The following LRP1 variants were observed in gnomAD, a reference collection of about 807,000 sequenced individuals.
LRP1 encodes prolow-density lipoprotein receptor-related protein 1.
Under a neutral mutation model 541.5 loss-of-function variants are expected in LRP1, and 51 were observed. The observed-to-expected ratio is 0.09, with a 90% CI of 0.08 to 0.12. The LOEUF is 0.12. LRP1 is among the 10% of genes least tolerant of loss of function. LRP1 has a pLI of 1.00. For synonymous variants in LRP1, 2,219 were observed against 2,470.8 expected, an observed-to-expected ratio of 0.90 and a Z score of 3.02; for missense variants, 3,878 against 6,376.2, an observed-to-expected ratio of 0.61 and a Z score of 13.34.
At position 57,161,039 on chromosome 12, in the gene LRP1, C is replaced by G; in HGVS notation, c.2126C>G (p.Pro709Arg). Residue 709 changes from proline (P) to arginine (R), a missense_variant, in exon 13 of 89, where the codon CCG (proline) becomes CGG (arginine). Around this residue, in one of 13 missense-constraint regions of LRP1, gnomAD observed 496 missense variants for 861.0 expected, o/e 0.58. Coordinates refer to ENST00000243077, the MANE Select transcript of LRP1 (RefSeq NM_002332.3). ...CCCAATGGGCTAAGCCTGGACATCC[C>G]GGCTGGGCGCCTCTACTGGGTGGAT... ...LWPNGLSLDI[P>R]AGRLYWVDAF... 1 of 1,613,948 alleles carries G rather than the reference C, an allele frequency of 6.2e-7. No individual in the cohort carries two copies. The highest frequency in any genetic ancestry group is 1.3e-5 in the African/African-American group (1 of 75,036).
chr12:57,200,437 T>G lies in LRP1; in HGVS notation c.10015-5T>G. 1.9e-6 allele frequency: 2 copies of G among 1,066,478 alleles called. No individual in the cohort carries two copies. The highest frequency in any genetic ancestry group is 2.5e-6 in the Non-Finnish European group (2 of 786,878). The allele number at this position is 1,066,478 out of a possible 1,614,324, so 66.1% of individuals were successfully genotyped here. On this transcript the variant is annotated splice_region_variant and splice_polypyrimidine_tract_variant and intron_variant, in intron 62 of 88. Coordinates refer to ENST00000243077, the MANE Select transcript of LRP1 (RefSeq NM_002332.3). ...CAACCCCTCTTGCCCCCACCTGCCC[T>G]CCAGTTTGTATGCAAGAACGACAAG...
chr12:57,156,865 G>C lies in LRP1; in HGVS notation c.1506G>C (p.Arg502=), dbSNP rs1449186081. 2 of 1,597,552 alleles carry C rather than the reference G, an allele frequency of 1.3e-6. No homozygotes were observed. Among genetic ancestry groups the C allele is most frequent in the East Asian group, 4.5e-5 (2 of 44,636 alleles). ...ICLLANSHKA[R]TCRCRSGFSL... ...TGCTGGCCAACAGCCACAAGGCGCG[G>C]ACCTGCCGCTGCCGTTCCGGCTTCA... The change falls in exon 10 of 89, where the codon CGG becomes CGC. Residue 502 remains arginine, a synonymous_variant. Coordinates refer to ENST00000243077, the MANE Select transcript of LRP1 (RefSeq NM_002332.3). This position sits in a 1 kb window ranked among gnomAD's most constrained non-coding sequence, Gnocchi z 5.2.
chr12:57,160,306 C>G (rs907988183), intron 12 of LRP1, among the ~76,000 whole-genome samples: 1 of 152,180 alleles, frequency 6.6e-6, no homozygotes, highest in Non-Finnish European at 1.5e-5. Flanking sequence ...CTGCCTGGCC[C>G]TTGTCTGACC....
At position 57,200,009 on chromosome 12, in the gene LRP1, A is replaced by G; in HGVS notation, c.9998A>G (p.Asn3333Ser). 1 of 1,594,226 alleles carries G rather than the reference A, an allele frequency of 6.3e-7. No individual in the cohort carries two copies. Among genetic ancestry groups the G allele is most frequent in the Non-Finnish European group, 8.5e-7 (1 of 1,174,126 alleles). Residue 3333 changes from asparagine to serine, a missense_variant, in exon 62 of 89, where the codon AAC (asparagine) becomes AGC (serine). By Grantham distance (46) the Asn-to-Ser change is conservative (BLOSUM62 1). Coordinates refer to ENST00000243077, the MANE Select transcript of LRP1 (RefSeq NM_002332.3). Reference protein sequence around the residue: ...LGSDGRTCVSNCTASQFVCKN... With the variant: ...LGSDGRTCVSSCTASQFVCKN... ...AGCGATGGGCGCACCTGTGTGTCCA[A>G]CTGCACGGCTAGCCAGGTGAGGCTG...
chr12:57,128,855 GA>G lies in LRP1; in HGVS notation c.-108del. The G allele has an allele frequency of 1.1e-6, 1 of 918,386 alleles. No individual in the cohort carries two copies. The highest frequency in any genetic ancestry group is 1.7e-6 in the Non-Finnish European group (1 of 603,900). 56.9% of individuals were successfully genotyped at this position (918,386 alleles called of 1,614,324 possible). On this transcript the variant is annotated 5_prime_UTR_variant, in exon 1 of 89. Transcript: ENST00000243077. ...TGCCGAAGGAAAGAATAAGAACAGA[GA>G]AGGAGGAGGGGGAAAGGAGGAAAAG...
Position 57,177,401 on chromosome 12 carries a change from C to T in LRP1, c.4197-26C>T, listed in dbSNP as rs746016995. 4 of 1,569,450 alleles carry T rather than the reference C, an allele frequency of 2.5e-6. No homozygotes were observed. Among genetic ancestry groups the T allele is most frequent in the South Asian group, 1.2e-5 (1 of 82,920 alleles). On this transcript the variant is annotated intron_variant, in intron 25 of 88. Coordinates refer to ENST00000243077, the MANE Select transcript of LRP1 (RefSeq NM_002332.3). The surrounding 1 kb of genome is among the most constrained non-coding windows in gnomAD (Gnocchi z 6.8). Reference sequence around the variant, plus strand: ...GCTCCCTGAGGGCCCTGACTTTAGCCCTCCTGACCCCTCCCCACTCCCCAG... The same window carrying T: ...GCTCCCTGAGGGCCCTGACTTTAGCTCTCCTGACCCCTCCCCACTCCCCAG...
Position 57,198,149 on chromosome 12 carries a change from C to A in LRP1, c.9283-7C>A, listed in dbSNP as rs2036575011. 1 of 1,593,904 alleles carries A rather than the reference C, an allele frequency of 6.3e-7. No homozygotes were observed. Among genetic ancestry groups the A allele is most frequent in the African/African-American group, 1.3e-5 (1 of 74,556 alleles). On this transcript the variant is annotated splice_polypyrimidine_tract_variant and splice_region_variant and intron_variant, in intron 58 of 88. Coordinates refer to ENST00000243077, the MANE Select transcript of LRP1 (RefSeq NM_002332.3). The stretch of plus-strand genomic sequence containing the variant: ...CAGAGCTCTCCCTCCCCTGCCCCTT[C>A]CTGCAGGTCCTACACCGTACAGGCC...
chr12:57,141,284 C>T (rs1234156657), intron 2 of LRP1, 90 bp from the exon 3 acceptor site: 5 of 1,500,360 alleles, frequency 3.3e-6, no homozygotes, highest in Non-Finnish European at 4.5e-6. Context: ...TCTGAAACCC[C>T]AGTTTTATCT....
chr12:57,195,136 C>T, intron 51 of LRP1, 35 bp downstream of exon 51: 1 of 1,604,830 alleles, frequency 6.2e-7, no homozygotes, highest in Non-Finnish European at 8.5e-7. Context: ...GGGAGGTGCC[C>T]CAGGGAGGGA....
chr12:57,172,846 T>C (rs1263208794), intron 20 of LRP1, among the ~76,000 whole-genome samples: 1 of 152,102 alleles, frequency 6.6e-6, no homozygotes, highest in Admixed American at 6.6e-5. Flanking sequence ...CAGTAAACAT[T>C]TGTGGCATGA....
rs140874682 is a variant in LRP1, at chr12:57,192,318, C to G, written c.7430-527C>G. On this transcript the variant is annotated intron_variant, in intron 44 of 88. Transcript: ENST00000243077. ...GATGGACTCTGCACACGCCTGGCATCTCCTCCACGTTGCACACACACATTC... is the reference window on the plus strand; with the variant it reads ...GATGGACTCTGCACACGCCTGGCATGTCCTCCACGTTGCACACACACATTC... Among the ~76,000 whole-genome samples, 47 of 152,232 alleles carry G rather than the reference C, an allele frequency of 3.1e-4. No individual in the cohort carries two copies. In the East Asian group the frequency reaches 9.1e-3, roughly 29 times the overall value.
chr12:57,177,068 A>C lies in LRP1; in HGVS notation c.4019A>C (p.Gln1340Pro). ...CTGACTAGTTTCGAGGTGGTGATTCAGTATGGCCTGGCCACACCCGAGGGC... is the reference window on the plus strand; with the variant it reads ...CTGACTAGTTTCGAGGTGGTGATTCCGTATGGCCTGGCCACACCCGAGGGC... ...GALTSFEVVI[Q>P]YGLATPEGLA... Residue 1340 changes from glutamine (Q) to proline (P), a missense_variant, in exon 25 of 89, where the codon CAG becomes CCG. Gln to Pro is a moderately conservative substitution (Grantham distance 76). Coordinates refer to ENST00000243077, the MANE Select transcript of LRP1 (RefSeq NM_002332.3). This position sits in a 1 kb window ranked among gnomAD's most constrained non-coding sequence, Gnocchi z 6.8. The C allele has an allele frequency of 6.2e-7, 1 of 1,614,154 alleles. No homozygotes were observed. The highest frequency in any genetic ancestry group is 8.5e-7 in the Non-Finnish European group (1 of 1,180,018).
intron 45 of LRP1, 57 bp from the exon 46 acceptor site, chr12:57,193,119 G>T: frequency 6.2e-7 from 1 of 1,602,346 alleles, no homozygotes; most frequent in African/African-American, 1.3e-5. Context: ...GGGAGGAGGC[G>T]TGGGCACTGG....
intron 1 of LRP1, among the ~76,000 whole-genome samples, chr12:57,136,240 G>A (rs2035161258): frequency 6.6e-6 from 1 of 152,190 alleles, no homozygotes; most frequent in African/African-American, 2.4e-5. Flanking sequence ...AGGGGAGGGA[G>A]GCTGAAGGGG....
chr12:57,162,539 G>A lies in LRP1; in HGVS notation c.2404+21G>A. ...GCAAGGTACCTCCTTGGGGCTGGGG[G>A]CAGCGTGGGACCTGGAAGGGGTGGT... On this transcript the variant is annotated intron_variant, in intron 14 of 88. Transcript: ENST00000243077. The surrounding 1 kb of genome is among the most constrained non-coding windows in gnomAD (Gnocchi z 5.2). 6.2e-7 allele frequency: 1 copy of A among 1,612,468 alleles called. No individual in the cohort carries two copies. The highest frequency in any genetic ancestry group is 8.5e-7 in the Non-Finnish European group (1 of 1,179,614).
At chr12:57,136,730 G>A (rs2035179092) in intron 1 of LRP1, among the ~76,000 whole-genome samples, 1 of 152,166 alleles carries the variant, frequency 6.6e-6, no homozygotes, top group African/African-American at 2.4e-5. Flanking sequence ...CGGAGGACTG[G>A]TGTGGATTTC....
At chr12:57,151,972 A>T (rs1336817849) in intron 6 of LRP1, among the ~76,000 whole-genome samples, 1 of 152,156 alleles carries the variant, frequency 6.6e-6, no homozygotes, top group Non-Finnish European at 1.5e-5. Flanking sequence ...CGAGGACTCC[A>T]GTTCTTGCCA....
chr12:57,136,695 A>G lies in LRP1; in HGVS notation c.68-1764A>G, dbSNP rs368616688. 7.2e-4 allele frequency among the ~76,000 whole-genome samples: 110 copies of G among 152,198 alleles called. 1 individual carries two copies. The highest frequency in any genetic ancestry group is 2.6e-3 in the African/African-American group (107 of 41,520). ...TGTTCCTCCTGTGGAGGATGTGGTG[A>G]TAGAGGTTGGGAGGAGTGGGAATTC... is the stretch of plus-strand genomic sequence containing the variant. On this transcript the variant is annotated intron_variant, in intron 1 of 88. Transcript: ENST00000243077.
chr12:57,160,155 T>C, intron 12 of LRP1, 150 bp downstream of exon 12: 1 of 722,748 alleles, frequency 1.4e-6, no homozygotes, highest in Admixed American at 2.6e-5. Context: ...AAGGAGTCCC[T>C]GTCTTCAGGG....
Sources: allele counts gnomAD v4.1 joint callset (sites outside exome capture counted in the v4.1 genomes callset), GRCh38; gene constraint gnomAD v4.1.1; regional missense constraint gnomAD v4.1.1; non-coding constraint Gnocchi (gnomAD v3.1); transcripts MANE v1.5; gene names NCBI Gene and HGNC (gene_info 2026-07-23, HGNC 2026-07-21).